Variants in SLC31A2 observed in about 807,000 individuals in gnomAD.
SLC31A2 encodes protein SLC31A2.
Under a neutral mutation model 14.4 loss-of-function variants are expected in SLC31A2, and 16 were observed. That is an observed-to-expected ratio of 1.11 (90% CI 0.75 to 1.69). The LOEUF is 1.69. Ranked by LOEUF, SLC31A2 falls within the 40% of genes most tolerant of loss-of-function variation. The pLI is 0.00. For missense variants in SLC31A2, 140 were observed against 173.9 expected, an observed-to-expected ratio of 0.81 and a Z score of 1.10; for synonymous variants, 56 against 68.7, an observed-to-expected ratio of 0.82 and a Z score of 0.91.
At chr9:113,160,105 G>C (rs1829988818) in intron 2 of SLC31A2, among the ~76,000 whole-genome samples, 1 of 152,084 alleles carries the variant, frequency 6.6e-6, no homozygotes, top group Non-Finnish European at 1.5e-5. Context: ...TGAATCCTGA[G>C]GCAAGATAAT....
At chr9:113,160,037 C>A (rs941396301) in intron 2 of SLC31A2, among the ~76,000 whole-genome samples, 3 of 151,912 alleles carry the variant, frequency 2.0e-5, no homozygotes, top group African/African-American at 7.3e-5. Context: ...ATTAGCCAGG[C>A]GTGGTGGGGG....
At chr9:113,161,736 A>G (rs764682400) in intron 3 of SLC31A2, 38 bp downstream of exon 3, 13 of 1,602,918 alleles carry the variant, frequency 8.1e-6, no homozygotes, top group Non-Finnish European at 1.1e-5. Flanking sequence ...CAGAAGCCTC[A>G]CATTCACCCT....
At chr9:113,159,255 C>T (rs747259037) in intron 2 of SLC31A2, among the ~76,000 whole-genome samples, 6 of 152,042 alleles carry the variant, frequency 3.9e-5, no homozygotes, top group South Asian at 4.1e-4. Flanking sequence ...CTCAGCCTAC[C>T]GAGTAGCTGG....
rs993152440 is a variant in SLC31A2 at position 113,157,903 on chromosome 9, T to C, written c.73+110T>C. The stretch of plus-strand genomic sequence containing the variant: ...TGGGCATTTAAGTGAGGCTGATTCC[T>C]CTGGCATAAACACTGAGCAGGAACT... On this transcript the variant is annotated intron_variant, in intron 2 of 3. Coordinates refer to ENST00000259392, the MANE Select transcript of SLC31A2 (RefSeq NM_001860.3). 4 of 807,268 alleles carry C rather than the reference T, an allele frequency of 5.0e-6. No homozygotes were observed. The African/African-American group carries it at 5.1e-5, about 10-fold the overall frequency. 50.0% of individuals were successfully genotyped at this position (807,268 alleles called of 1,614,324 possible). A position where few individuals can be genotyped will look rare whatever the true frequency, so the allele number is the denominator to read the frequency against.
chr9:113,159,633 A>G (rs569924999), intron 2 of SLC31A2, among the ~76,000 whole-genome samples: 4 of 152,212 alleles, frequency 2.6e-5, no homozygotes, highest in African/African-American at 9.6e-5. Context: ...CTCAGTGACA[A>G]CTTTTCTGAT....
At chr9:113,154,451 A>G (rs1829908469) in intron 1 of SLC31A2, among the ~76,000 whole-genome samples, 1 of 152,144 alleles carries the variant, frequency 6.6e-6, no homozygotes. Context: ...CCTCTGTTCA[A>G]ACTGCAACAA....
chr9:113,159,695 G>C (rs1402646746), intron 2 of SLC31A2, among the ~76,000 whole-genome samples: 1 of 152,192 alleles, frequency 6.6e-6, no homozygotes, highest in Non-Finnish European at 1.5e-5. Context: ...ACCAGAGTTA[G>C]TGCAGATCCC....
intron 2 of SLC31A2, among the ~76,000 whole-genome samples, chr9:113,160,188 C>T (rs982567883): frequency 1.7e-4 from 25 of 151,306 alleles, no homozygotes; most frequent in Admixed American, 6.6e-4. Flanking sequence ...GGCAACAGAG[C>T]GAGACTCCAT....
intron 3 of SLC31A2, 68 bp from the exon 4 acceptor site, chr9:113,162,681 A>G (rs936548443): frequency 7.9e-5 from 114 of 1,434,430 alleles, no homozygotes; most frequent in Middle Eastern, 2.0e-4. Context: ...CTACTCCCTG[A>G]TATCTACTCC....
chr9:113,155,538 C>T (rs1455398150), intron 1 of SLC31A2, among the ~76,000 whole-genome samples: 2 of 152,156 alleles, frequency 1.3e-5, no homozygotes, highest in Non-Finnish European at 2.9e-5. Context: ...TTAGCACTTC[C>T]TAGAGGATAG....
chr9:113,163,689 A>G lies in SLC31A2; in HGVS notation c.*772A>G, dbSNP rs1295774204. On this transcript the variant is annotated 3_prime_UTR_variant, in exon 4 of 4. Transcript: ENST00000259392. ...TTCTCTGATAGACTGAGCTCCTTCC[A>G]CCAGAAGGCACTGCCTGCAGGAAGA... 6.6e-6 allele frequency: 1 copy of G among 152,124 alleles called. No homozygotes were observed. Among genetic ancestry groups the G allele is most frequent in the East Asian group, 1.9e-4 (1 of 5,198 alleles). 9.4% of individuals were successfully genotyped at this position (152,124 alleles called of 1,614,324 possible). A position where few individuals can be genotyped will look rare whatever the true frequency, so the allele number is the denominator to read the frequency against.
chr9:113,162,444 GATGATTTTCTCTTATTCCTT>G (rs1830028662), intron 3 of SLC31A2: 1 of 256,830 alleles, frequency 3.9e-6, no homozygotes. Context: ...ATGCCTTACT[GATGATTTTCTCTTATTCCTT>G]ATCAGAAAGA....
chr9:113,161,677 C>T lies in SLC31A2; in HGVS notation c.242C>T (p.Pro81Leu). 1.2e-6 allele frequency: 2 copies of T among 1,613,982 alleles called. No individual in the cohort carries two copies. Among genetic ancestry groups the T allele is most frequent in the Non-Finnish European group, 8.5e-7 (1 of 1,179,870 alleles). Reference sequence around the variant, plus strand: ...GACTCTGCAGGCTCAGATTCATTCCCTGTTGGCAGAACCCACCACAGGTAC... The same window carrying T: ...GACTCTGCAGGCTCAGATTCATTCCTTGTTGGCAGAACCCACCACAGGTAC... ...DGDSAGSDSF[P>L]VGRTHHRWYL... Residue 81 changes from proline (P) to leucine (L), a missense_variant, in exon 3 of 4, where the codon CCT (proline) becomes CTT (leucine). Physicochemically the swap from Pro to Leu is moderately conservative, Grantham distance 98. Transcript: ENST00000259392.
intron 1 of SLC31A2, among the ~76,000 whole-genome samples, chr9:113,152,722 G>A (rs1325053258): frequency 6.6e-6 from 1 of 152,152 alleles, no homozygotes; most frequent in African/African-American, 2.4e-5. Context: ...TCTCTGTATC[G>A]CCAGGGTCTG....
intron 3 of SLC31A2, chr9:113,162,412 G>A (rs1261993240): frequency 3.2e-5 from 7 of 220,792 alleles, no homozygotes; most frequent in Admixed American, 5.6e-5. Context: ...ACTGCCTCCC[G>A]AAGTAGATTC....
intron 1 of SLC31A2, 77 bp from the exon 2 acceptor site, chr9:113,157,650 G>A: frequency 1.7e-6 from 2 of 1,205,750 alleles, no homozygotes; most frequent in Middle Eastern, 5.2e-4. Flanking sequence ...GGCTCCCAGA[G>A]GAGGTGCTGG....
At chr9:113,160,406 G>A (rs1161853473) in intron 2 of SLC31A2, among the ~76,000 whole-genome samples, 1 of 152,094 alleles carries the variant, frequency 6.6e-6, no homozygotes, top group Non-Finnish European at 1.5e-5. Flanking sequence ...TGGGGTACAC[G>A]TGATATTTTG....
intron 3 of SLC31A2, 127 bp downstream of exon 3, chr9:113,161,825 C>A: frequency 1.9e-6 from 2 of 1,044,118 alleles, no homozygotes; most frequent in Non-Finnish European, 1.4e-6. Flanking sequence ...CCAGGACTTG[C>A]CAAAGTGGCT....
In SLC31A2 at chr9:113,162,785, T is replaced by C. The variant is rs1170173296; in HGVS notation, c.300T>C (p.His100=). ...GTCACTTTGGCCAGTCTCTAATCCA[T>C]GTCATCCAGGTGGTCATCGGCTACT... ...YLCHFGQSLI[H]VIQVVIGYFI... Residue 100 remains histidine (H), a synonymous_variant, in exon 4 of 4, where the codon CAT becomes CAC. Coordinates refer to ENST00000259392, the MANE Select transcript of SLC31A2 (RefSeq NM_001860.3). The C allele has an allele frequency of 4.3e-6, 7 of 1,613,886 alleles. No individual in the cohort carries two copies. The highest frequency in any genetic ancestry group is 2.2e-5 in the East Asian group (1 of 44,860).
Sources: allele counts gnomAD v4.1 joint callset (sites outside exome capture counted in the v4.1 genomes callset), GRCh38; gene constraint gnomAD v4.1.1; transcripts MANE v1.5; gene names NCBI Gene and HGNC (gene_info 2026-07-23, HGNC 2026-07-21).